The following DNAH9 variants were observed in gnomAD, a reference collection of about 807,000 sequenced individuals.
DNAH9 encodes dynein axonemal heavy chain 9.
In DNAH9, 345 loss-of-function variants were observed where a neutral mutation model predicts 471.6. That is an observed-to-expected ratio of 0.73 (90% CI 0.67 to 0.80). The LOEUF (loss-of-function observed/expected upper bound fraction) is 0.80, where lower values mean the gene tolerates loss of function less well. Among genes scored for constraint, DNAH9 ranks in the 30% least tolerant of loss-of-function variants. The pLI, the probability that DNAH9 is intolerant of heterozygous loss-of-function variation, is 0.00. For missense variants in DNAH9, 5,407 were observed against 5,609.2 expected, an observed-to-expected ratio of 0.96 and a Z score of 1.15; for synonymous variants, 2,093 against 2,123.6, an observed-to-expected ratio of 0.99 and a Z score of 0.40.
At chr17:11,820,211 T>A (rs1237143694) in intron 45 of DNAH9, among the ~76,000 whole-genome samples, 1 of 152,178 alleles carries the variant, frequency 6.6e-6, no homozygotes, top group Non-Finnish European at 1.5e-5. Context: ...ATTATTTTCA[T>A]AGTTTTTTTT....
intron 8 of DNAH9, among the ~76,000 whole-genome samples, chr17:11,633,929 A>G (rs960638013): frequency 1.3e-5 from 2 of 152,206 alleles, no homozygotes; most frequent in African/African-American, 4.8e-5. Flanking sequence ...CTGCCAAGAA[A>G]AGTGCTTGAA....
At chr17:11,668,305 T>C (rs964705659) in intron 15 of DNAH9, among the ~76,000 whole-genome samples, 1 of 152,226 alleles carries the variant, frequency 6.6e-6, no homozygotes, top group East Asian at 1.9e-4. Context: ...CCTAGAGTGA[T>C]AAGTGGAATT....
In DNAH9 at chr17:11,874,882, T is replaced by C. The variant is rs1972414112; in HGVS notation, c.10243-67T>C. ...GGAGTTGTGTCATTTGGTGAGTAAC[T>C]GCATTCATCCCAGCTGAGAATGTCT... On this transcript the variant is annotated intron_variant, in intron 52 of 68. Coordinates refer to ENST00000262442, the MANE Select transcript of DNAH9 (RefSeq NM_001372.4). 3 of 1,151,952 alleles carry C rather than the reference T, an allele frequency of 2.6e-6. No homozygotes were observed. In the Admixed American group the frequency reaches 5.4e-5, roughly 21 times the overall value. The allele number at this position is 1,151,952 out of a possible 1,614,324, so 71.4% of individuals were successfully genotyped here.
intron 41 of DNAH9, among the ~76,000 whole-genome samples, chr17:11,789,137 TTAATA>T (rs1968977582): frequency 6.6e-6 from 1 of 152,056 alleles, no homozygotes; most frequent in African/African-American, 2.4e-5. Flanking sequence ...TTGATAATTT[TTAATA>T]TAATTTTTGA....
intron 49 of DNAH9, among the ~76,000 whole-genome samples, chr17:11,836,387 T>A (rs1253927176): frequency 6.6e-6 from 1 of 152,218 alleles, no homozygotes; most frequent in African/African-American, 2.4e-5. Context: ...TTTTTGTATT[T>A]TTTATGATGT....
chr17:11,930,382 G>A (rs149216499), intron 63 of DNAH9, among the ~76,000 whole-genome samples: 27 of 152,234 alleles, frequency 1.8e-4, no homozygotes, highest in Non-Finnish European at 3.5e-4. Context: ...AGAAGGGCAC[G>A]TTGTTATACA....
At chr17:11,799,233 C>G (rs1597662757) in intron 43 of DNAH9, among the ~76,000 whole-genome samples, 1 of 152,278 alleles carries the variant, frequency 6.6e-6, no homozygotes, top group East Asian at 1.9e-4. Context: ...TGCCACCCTC[C>G]CACTTATCTG....
chr17:11,775,934 C>T (rs1300649713), intron 38 of DNAH9, among the ~76,000 whole-genome samples: 1 of 152,086 alleles, frequency 6.6e-6, no homozygotes, highest in Non-Finnish European at 1.5e-5. Context: ...GCTGATAATA[C>T]CTGCATTTCT....
At chr17:11,666,652 G>A (rs1417573025) in intron 15 of DNAH9, among the ~76,000 whole-genome samples, 4 of 152,188 alleles carry the variant, frequency 2.6e-5, no homozygotes, top group African/African-American at 9.6e-5. Context: ...CCTCTGAGAA[G>A]AAAATCATGG....
At chr17:11,895,352 A>C (rs1466037591) in intron 59 of DNAH9, among the ~76,000 whole-genome samples, 2 of 152,214 alleles carry the variant, frequency 1.3e-5, no homozygotes, top group Non-Finnish European at 2.9e-5. Flanking sequence ...CATGTGAGGA[A>C]TAGCATCTAC....
chr17:11,706,696 G>T (rs2074707828), intron 26 of DNAH9, among the ~76,000 whole-genome samples: 1 of 152,132 alleles, frequency 6.6e-6, no homozygotes, highest in South Asian at 2.1e-4. Flanking sequence ...TACTGTCCAG[G>T]TGTCCATGAA....
Position 11,937,354 on chromosome 17 carries a change from C to T in DNAH9, c.12492C>T (p.Tyr4164=). Residue 4164 remains tyrosine, a splice_region_variant and synonymous_variant, in exon 66 of 69, where the codon TAC becomes TAT. Transcript: ENST00000262442. This position sits in a 1 kb window ranked among gnomAD's most constrained non-coding sequence, Gnocchi z 4.1. The stretch of plus-strand genomic sequence containing the variant: ...GTGAGCTTGCCCTTGATTTTCAGTA[C>T]ATCGATGCTGAGCTGCCCCCAGAAT... ...GNMDYNGYHQ[Y]IDAELPPESP... is the part of the protein sequence containing the mutation. The T allele has an allele frequency of 6.2e-7, 1 of 1,601,976 alleles. No individual in the cohort carries two copies. Among genetic ancestry groups the T allele is most frequent in the Non-Finnish European group, 8.5e-7 (1 of 1,173,848 alleles).
chr17:11,759,090 T>C (rs1281528272), intron 35 of DNAH9, among the ~76,000 whole-genome samples: 2 of 24,476 alleles, frequency 8.2e-5, no homozygotes, highest in Admixed American at 6.7e-4. Flanking sequence ...CCTGTTCTTT[T>C]TTTTTTTTCT....
chr17:11,931,562 C>A (rs530972672), intron 63 of DNAH9, among the ~76,000 whole-genome samples: 85 of 152,256 alleles, frequency 5.6e-4, no homozygotes, highest in Admixed American at 1.0e-3. Context: ...TTCAGTACCC[C>A]CTGTACTCTT....
chr17:11,822,654 A>G (rs1970349611), intron 47 of DNAH9, 55 bp downstream of exon 47: 2 of 1,604,784 alleles, frequency 1.2e-6, no homozygotes, highest in Admixed American at 3.4e-5. Flanking sequence ...GGGTACAATG[A>G]ATTCCCTGTC....
chr17:11,719,536 A>G, intron 27 of DNAH9, 46 bp downstream of exon 27: 2 of 1,551,856 alleles, frequency 1.3e-6, no homozygotes, highest in Non-Finnish European at 1.8e-6. Context: ...GGGGATAGGA[A>G]CTCAGGGCAC....
chr17:11,712,380 C>T lies in DNAH9; in HGVS notation c.5553-6954C>T, dbSNP rs113945270. ...CAGCTGAGGCTGTTATAAACAATAC[C>T]GCTCTGAATGTTTGTGTACAAGTCT... On this transcript the variant is annotated intron_variant, in intron 26 of 68. Transcript: ENST00000262442. Among the ~76,000 whole-genome samples, 274 of 151,328 alleles carry T rather than the reference C, an allele frequency of 1.8e-3. 1 individual carries two copies. The highest frequency in any genetic ancestry group is 4.4e-3 in the South Asian group (21 of 4,808).
intron 25 of DNAH9, 105 bp from the exon 26 acceptor site, chr17:11,704,920 T>A (rs996806561): frequency 6.7e-6 from 6 of 900,338 alleles, no homozygotes; most frequent in Non-Finnish European, 1.1e-5. Context: ...GCTGCACACT[T>A]TAGCAGCAGT....
At chr17:11,912,143 G>A (rs530071561) in intron 61 of DNAH9, among the ~76,000 whole-genome samples, 6 of 152,126 alleles carry the variant, frequency 3.9e-5, no homozygotes, top group South Asian at 4.1e-4. Flanking sequence ...TCAGCCTCCC[G>A]AGTAGCTGGA....
Sources: allele counts gnomAD v4.1 joint callset (sites outside exome capture counted in the v4.1 genomes callset), GRCh38; gene constraint gnomAD v4.1.1; non-coding constraint Gnocchi (gnomAD v3.1); transcripts MANE v1.5; gene names NCBI Gene and HGNC (gene_info 2026-07-23, HGNC 2026-07-21).